Variants in TRPM3 observed in about 807,000 individuals in gnomAD.
TRPM3 encodes the protein transient receptor potential cation channel subfamily M member 3.
In TRPM3, 77 loss-of-function variants were observed where a neutral mutation model predicts 181.2. That is an observed-to-expected ratio of 0.42 (90% confidence interval 0.35 to 0.51). The LOEUF (loss-of-function observed/expected upper bound fraction) is 0.51, where lower values mean the gene tolerates loss of function less well. Among genes scored for constraint, TRPM3 ranks in the 20% least tolerant of loss-of-function variants. The probability of loss-of-function intolerance (pLI) is 0.01; values close to 1 mark genes in which losing one functional copy is unlikely to be tolerated. For synonymous variants in TRPM3, 745 were observed against 796.4 expected (o/e 0.94, Z 1.09); for missense variants, 1,759 against 2,196.7 (o/e 0.80, Z 3.98).
intron 1 of TRPM3, among the ~76,000 whole-genome samples, chr9:71,421,461 C>T (rs561343431): frequency 6.6e-6 from 1 of 152,036 alleles, no homozygotes; most frequent in East Asian, 1.9e-4. Flanking sequence ...CCTCCTTTCT[C>T]TACCAGGAAA....
chr9:70,767,501 C>G (rs1162966100), intron 7 of TRPM3, among the ~76,000 whole-genome samples: 2 of 152,118 alleles, frequency 1.3e-5, no homozygotes, highest in Non-Finnish European at 2.9e-5. Context: ...TAAAACAGCA[C>G]TTATTTGTTG....
At chr9:71,161,234 G>A (rs1280521370) in intron 1 of TRPM3, among the ~76,000 whole-genome samples, 1 of 152,038 alleles carries the variant, frequency 6.6e-6, no homozygotes, top group African/African-American at 2.4e-5. Context: ...CTATCTCTTG[G>A]TTACCTCTGG....
intron 6 of TRPM3, chr9:70,810,086 T>A (rs757119699): frequency 1.9e-6 from 1 of 534,566 alleles, no homozygotes; most frequent in South Asian, 1.4e-5. Context: ...ACTGTAGCCA[T>A]GGGTACGCGA....
chr9:70,933,200 C>T (rs549370084), intron 1 of TRPM3, among the ~76,000 whole-genome samples: 7 of 152,118 alleles, frequency 4.6e-5, no homozygotes, highest in African/African-American at 1.7e-4. Context: ...GTAGAGATAT[C>T]TAGGAGACAG....
At chr9:71,177,071 A>AGCATTG (rs2077140434) in intron 1 of TRPM3, among the ~76,000 whole-genome samples, 1 of 152,060 alleles carries the variant, frequency 6.6e-6, no homozygotes, top group Non-Finnish European at 1.5e-5. Context: ...CTGTCACATT[A>AGCATTG]GCATTGGCAT....
intron 1 of TRPM3, among the ~76,000 whole-genome samples, chr9:71,131,773 G>A (rs1221031375): frequency 6.6e-6 from 1 of 152,086 alleles, no homozygotes; most frequent in Non-Finnish European, 1.5e-5. Flanking sequence ...CTAAACTGCA[G>A]GTAGAGAACA....
chr9:70,648,509 C>T (rs771126202), intron 9 of TRPM3, among the ~76,000 whole-genome samples: 1 of 151,878 alleles, frequency 6.6e-6, no homozygotes, highest in African/African-American at 2.4e-5. Flanking sequence ...TAATATGCAA[C>T]CCAAAAAGAG....
At chr9:71,175,795 C>T (rs1487252978) in intron 1 of TRPM3, among the ~76,000 whole-genome samples, 3 of 152,164 alleles carry the variant, frequency 2.0e-5, no homozygotes, top group African/African-American at 7.2e-5. Flanking sequence ...AGCAGCTATG[C>T]AGTGCAGTAA....
At chr9:71,038,684 G>A (rs773123724) in intron 1 of TRPM3, among the ~76,000 whole-genome samples, 3 of 152,060 alleles carry the variant, frequency 2.0e-5, no homozygotes, top group African/African-American at 4.8e-5. Flanking sequence ...TAGAAGCCAG[G>A]GATACAGATG....
intron 1 of TRPM3, among the ~76,000 whole-genome samples, chr9:70,977,421 A>AC: frequency 6.6e-6 from 1 of 152,352 alleles, no homozygotes; most frequent in South Asian, 2.1e-4. Context: ...GGCGTGAGCC[A>AC]CCACGCCTGG....
intron 14 of TRPM3, among the ~76,000 whole-genome samples, chr9:70,621,901 A>T: frequency 6.6e-6 from 1 of 152,168 alleles, no homozygotes; most frequent in East Asian, 1.9e-4. Context: ...GTGAACCAAG[A>T]TTTCTTTCAC....
intron 1 of TRPM3, among the ~76,000 whole-genome samples, chr9:71,050,499 T>A (rs1469661177): frequency 6.6e-6 from 1 of 152,214 alleles, no homozygotes; most frequent in African/African-American, 2.4e-5. Flanking sequence ...AGTGGGCATC[T>A]CTCAGATTAC....
rs1565557524 is a variant in TRPM3, at chr9:71,420,801, A to AGAAAGAGAGAGAAAGAGAGAGAAAG, written c.183+25851_183+25852insCTTTCTCTCTCTTTCTCTCTCTTTC. On this transcript the variant is annotated intron_variant, in intron 1 of 24. Coordinates refer to the TRPM3 transcript ENST00000357533. ...AAAGAGAGAGAAAGAGAGAGAAAGA[A>AGAAAGAGAGAGAAAGAGAGAGAAAG]AGAGAGAAAGAAAGAGAGAAAGAGA... 5.7e-3 allele frequency among the ~76,000 whole-genome samples: 16 copies of AGAAAGAGAGAGAAAGAGAGAGAAAG among 2,792 alleles called. 2 individuals carry two copies. Among genetic ancestry groups the AGAAAGAGAGAGAAAGAGAGAGAAAG allele is most frequent in the African/African-American group, 0.016 (14 of 858 alleles). 1.8% of individuals were successfully genotyped at this position (2,792 alleles called of 152,430 possible). A position where few individuals can be genotyped will look rare whatever the true frequency, so the allele number is the denominator to read the frequency against.
chr9:70,770,385 T>C (rs925453893), intron 7 of TRPM3, among the ~76,000 whole-genome samples: 7 of 152,218 alleles, frequency 4.6e-5, no homozygotes, highest in African/African-American at 1.2e-4. Context: ...AATAGCTGTT[T>C]GGGGATGTTA....
intron 1 of TRPM3, among the ~76,000 whole-genome samples, chr9:70,909,633 A>G (rs372690715): frequency 6.6e-6 from 1 of 152,174 alleles, no homozygotes; most frequent in South Asian, 2.1e-4. Context: ...GCATGCACAT[A>G]AATTGGGTAC....
chr9:70,797,939 C>T (rs1411193799), intron 6 of TRPM3, among the ~76,000 whole-genome samples: 2 of 152,210 alleles, frequency 1.3e-5, no homozygotes, highest in Non-Finnish European at 1.5e-5. Flanking sequence ...AACTAAAGTC[C>T]CATCTGTTCA....
intron 25 of TRPM3, among the ~76,000 whole-genome samples, chr9:70,541,929 C>T (rs944294915): frequency 6.6e-6 from 1 of 152,130 alleles, no homozygotes; most frequent in African/African-American, 2.4e-5. Context: ...TTCAGACCAG[C>T]CTGGGCAACA....
chr9:71,295,753 C>G (rs1335531241), intron 1 of TRPM3, among the ~76,000 whole-genome samples: 1 of 151,356 alleles, frequency 6.6e-6, no homozygotes, highest in Non-Finnish European at 1.5e-5. Flanking sequence ...ATGGGAAGAT[C>G]CCTTGAGCCC....
chr9:71,120,137 A>G (rs2073297898), intron 1 of TRPM3, among the ~76,000 whole-genome samples: 1 of 152,232 alleles, frequency 6.6e-6, no homozygotes, highest in Admixed American at 6.5e-5. Context: ...CTCCAAGTGT[A>G]ACGTATTCAG....
Sources: gnomAD v4.1 joint callset for allele counts (sites outside exome capture counted in the v4.1 genomes callset) on GRCh38, gnomAD v4.1.1 for gene constraint, MANE v1.5 for transcripts, NCBI Gene and HGNC (gene_info 2026-07-23, HGNC 2026-07-21) for gene names.